The following SPTBN1 variants were observed in gnomAD, a reference collection of about 807,000 sequenced individuals.
The protein encoded by SPTBN1 is spectrin beta chain, non-erythrocytic 1.
Under a neutral mutation model 266.4 loss-of-function variants are expected in SPTBN1, and 32 were observed. The ratio of observed to expected loss-of-function variants is 0.12; its 90% CI spans 0.09 to 0.16. The LOEUF (loss-of-function observed/expected upper bound fraction) is 0.16, where lower values mean the gene tolerates loss of function less well. Ranked by LOEUF, SPTBN1 falls within the 10% of genes least tolerant of loss-of-function variation. The probability of loss-of-function intolerance (pLI) is 1.00; values close to 1 mark genes in which losing one functional copy is unlikely to be tolerated. For missense variants in SPTBN1, 2,296 were observed against 3,067.1 expected (o/e 0.75, Z 5.94); for synonymous variants, 1,336 against 1,162.2 (o/e 1.15, Z -3.04).
chr2:54,537,454 C>T (rs566016352), intron 2 of SPTBN1, among the ~76,000 whole-genome samples: 1 of 152,320 alleles, frequency 6.6e-6, no homozygotes, highest in South Asian at 2.1e-4. Flanking sequence ...GAGCTGGAAG[C>T]CATATGTACA....
chr2:54,605,706 A>C (rs1676788512), intron 3 of SPTBN1, among the ~76,000 whole-genome samples: 1 of 152,236 alleles, frequency 6.6e-6, no homozygotes, highest in Admixed American at 6.5e-5. Context: ...GCCTACTCTG[A>C]AGCAGATAGA....
chr2:54,485,986 C>G (rs984621391), intron 1 of SPTBN1, among the ~76,000 whole-genome samples: 7 of 151,054 alleles, frequency 4.6e-5, no homozygotes, highest in African/African-American at 1.7e-4. Context: ...AGGAGCCTCT[C>G]CGCCCGGCAG....
At chr2:54,659,864 C>T in intron 31 of SPTBN1, 72 bp from the exon 32 acceptor site, 2 of 1,546,374 alleles carry the variant, frequency 1.3e-6, no homozygotes, top group South Asian at 2.4e-5. Flanking sequence ...GATGTTCTCC[C>T]ACCCTTTCTT....
chr2:54,596,591 T>C (rs775426286), intron 2 of SPTBN1, among the ~76,000 whole-genome samples: 2 of 152,166 alleles, frequency 1.3e-5, no homozygotes, highest in Non-Finnish European at 2.9e-5. Context: ...TCCAGCACTC[T>C]TGCACTTCGT....
At chr2:54,660,715 C>G in intron 32 of SPTBN1, 1 of 985,424 alleles carries the variant, frequency 1.0e-6, no homozygotes, top group Non-Finnish European at 1.2e-6. Context: ...TAGTTCCTCT[C>G]TTTTTTTCTG....
chr2:54,571,802 G>A (rs1259268303), intron 2 of SPTBN1, among the ~76,000 whole-genome samples: 4 of 152,160 alleles, frequency 2.6e-5, no homozygotes, highest in Admixed American at 6.5e-5. Context: ...AAGCAGTAAT[G>A]CATATGTTTT....
intron 18 of SPTBN1, among the ~76,000 whole-genome samples, chr2:54,641,000 G>A (rs556586219): frequency 1.9e-4 from 29 of 152,278 alleles, no homozygotes; most frequent in Middle Eastern, 6.8e-3. Flanking sequence ...CATGTGTCTG[G>A]TACAGGGATG....
At chr2:54,608,316 G>A (rs1215341739) in intron 3 of SPTBN1, among the ~76,000 whole-genome samples, 1 of 152,216 alleles carries the variant, frequency 6.6e-6, no homozygotes, top group Non-Finnish European at 1.5e-5. Flanking sequence ...CCTGGGCTCT[G>A]TGGTCCAGCC....
intron 1 of SPTBN1, among the ~76,000 whole-genome samples, chr2:54,498,140 C>T (rs573501662): frequency 1.1e-4 from 16 of 152,278 alleles, no homozygotes; most frequent in African/African-American, 3.8e-4. Context: ...GGAGTTGGAA[C>T]TTCAGTCTGT....
chr2:54,666,123 G>C, intron 34 of SPTBN1, 35 bp downstream of exon 34: 1 of 1,579,442 alleles, frequency 6.3e-7, no homozygotes. Context: ...TGCCAGAGTG[G>C]GTTTGCATTT....
chr2:54,577,171 C>T (rs1674547626), intron 2 of SPTBN1, among the ~76,000 whole-genome samples: 1 of 152,190 alleles, frequency 6.6e-6, no homozygotes, highest in Non-Finnish European at 1.5e-5. Flanking sequence ...TCAGGTGCTG[C>T]TTAGCAGCTG....
chr2:54,598,078 T>C (rs1399912469), intron 2 of SPTBN1, among the ~76,000 whole-genome samples: 1 of 152,172 alleles, frequency 6.6e-6, no homozygotes, highest in East Asian at 1.9e-4. Flanking sequence ...CAGCAACCTA[T>C]GTTTAGAACA....
At position 54,536,383 on chromosome 2, in the gene SPTBN1, C is replaced by T. The variant is rs181157097; in HGVS notation, c.148+9817C>T. Among the ~76,000 whole-genome samples the T allele has an allele frequency of 5.9e-4, 90 of 152,312 alleles. 2 individuals are homozygous for T. The highest frequency in any genetic ancestry group is 2.3e-3 in the East Asian group (12 of 5,186). On this transcript the variant is annotated intron_variant, in intron 2 of 35. Transcript: ENST00000356805. ...TAGAATTTTATTTAACCTCCATCTT[C>T]AGTGATACCATTCAATTTAATTTTC...
Position 54,668,574 on chromosome 2 carries a change from C to G in SPTBN1, c.*5C>G, listed in dbSNP as rs1681540084. On this transcript the variant is annotated 3_prime_UTR_variant, in exon 36 of 36. Transcript: ENST00000356805. ...CTTTTTGGCAAAAAGAAATGAACTC[C>G]TTTCCTTCACCTCCTGCCCTTCTCT... 6.2e-7 allele frequency: 1 copy of G among 1,604,454 alleles called. No homozygotes were observed. The highest frequency in any genetic ancestry group is 8.5e-7 in the Non-Finnish European group (1 of 1,175,320).
Position 54,526,403 on chromosome 2 carries a change from G to A in SPTBN1, c.-16G>A. 1 of 1,613,682 alleles carries A rather than the reference G, an allele frequency of 6.2e-7. No individual in the cohort carries two copies. Among genetic ancestry groups the A allele is most frequent in the Non-Finnish European group, 8.5e-7 (1 of 1,179,810 alleles). On this transcript the variant is annotated 5_prime_UTR_variant, in exon 2 of 36. Coordinates refer to ENST00000356805, the MANE Select transcript of SPTBN1 (RefSeq NM_003128.3). ...AAGAAGGAGCTGATGTGGAGGAGCA[G>A]CTGAGACAGTTCAAGATGACGACCA...
At chr2:54,489,388 C>A (rs1668571859) in intron 1 of SPTBN1, among the ~76,000 whole-genome samples, 1 of 151,806 alleles carries the variant, frequency 6.6e-6, no homozygotes, top group Non-Finnish European at 1.5e-5. Flanking sequence ...TATGCAGTTG[C>A]AAGTTGCTGA....
chr2:54,560,065 C>CG (rs1357414260), intron 2 of SPTBN1, among the ~76,000 whole-genome samples: 1 of 152,094 alleles, frequency 6.6e-6, no homozygotes, highest in Non-Finnish European at 1.5e-5. Context: ...AAGCTCCCTT[C>CG]GCTCTGGGGA....
chr2:54,646,211 C>G lies in SPTBN1; in HGVS notation c.4602C>G (p.Ile1534Met). 1 of 1,610,602 alleles carries G rather than the reference C, an allele frequency of 6.2e-7. No individual in the cohort carries two copies. Among genetic ancestry groups the G allele is most frequent in the Non-Finnish European group, 8.5e-7 (1 of 1,178,144 alleles). Residue 1534 changes from isoleucine (I) to methionine (M), a missense_variant, in exon 23 of 36, where the codon ATC (isoleucine) becomes ATG (methionine). Physicochemically the swap from Ile to Met is conservative, Grantham distance 10. Coordinates refer to ENST00000356805, the MANE Select transcript of SPTBN1 (RefSeq NM_003128.3). The surrounding 1 kb of genome is among the most constrained non-coding windows in gnomAD (Gnocchi z 4.4). Reference protein sequence around the residue: ...IKKNQTLQKEIQGHQPRIDDI... With the variant: ...IKKNQTLQKEMQGHQPRIDDI... Reference sequence around the variant, plus strand: ...CCCTCCAGACCCTCCAGAAAGAAATCCAGGGGCACCAGCCTCGCATTGACG... The same window carrying G: ...CCCTCCAGACCCTCCAGAAAGAAATGCAGGGGCACCAGCCTCGCATTGACG...
chr2:54,631,035 C>G lies in SPTBN1; in HGVS notation c.2988C>G (p.Arg996=). The change falls in exon 16 of 36, where the codon CGC becomes CGG. Residue 996 remains arginine (R), a synonymous_variant. Transcript: ENST00000356805. ...NDLAGVMALQ[R]KLTGMERDLV... ...TGGCTGGCGTCATGGCCCTGCAGCGCAAGCTGACCGGCATGGAGCGGGACT... is the reference window on the plus strand; with the variant it reads ...TGGCTGGCGTCATGGCCCTGCAGCGGAAGCTGACCGGCATGGAGCGGGACT... 1 of 1,613,938 alleles carries G rather than the reference C, an allele frequency of 6.2e-7. No individual in the cohort carries two copies. The highest frequency in any genetic ancestry group is 8.5e-7 in the Non-Finnish European group (1 of 1,179,820).
Sources: allele counts gnomAD v4.1 joint callset (sites outside exome capture counted in the v4.1 genomes callset), GRCh38; gene constraint gnomAD v4.1.1; non-coding constraint Gnocchi (gnomAD v3.1); transcripts MANE v1.5; gene names NCBI Gene and HGNC (gene_info 2026-07-23, HGNC 2026-07-21).